Variants in ANKRD30B observed in about 807,000 individuals in gnomAD.
ANKRD30B encodes the protein ankyrin repeat domain 30B.
ANKRD30B carries 144 observed loss-of-function variants against 202.2 expected under a neutral mutation model. That is an observed-to-expected ratio of 0.71 (90% confidence interval 0.62 to 0.82). The LOEUF (loss-of-function observed/expected upper bound fraction) is 0.82, where lower values mean the gene tolerates loss of function less well. Among genes scored for constraint, ANKRD30B ranks in the 40% least tolerant of loss-of-function variants. ANKRD30B has a pLI of 0.00. For synonymous variants in ANKRD30B, 508 were observed against 561.3 expected, an observed-to-expected ratio of 0.91 and a Z score of 1.34; for missense variants, 1,487 against 1,669.1, an observed-to-expected ratio of 0.89 and a Z score of 1.90.
intron 15 of ANKRD30B, among the ~76,000 whole-genome samples, chr18:14,789,751 T>A (rs1258832770): frequency 6.6e-6 from 1 of 152,196 alleles, no homozygotes; most frequent in East Asian, 1.9e-4. Flanking sequence ...TTGATCTATA[T>A]CTCTGTTTTG....
the ANKRD30B span, among the ~76,000 whole-genome samples, chr18:14,923,583 C>T: frequency 3.3e-5 from 5 of 152,040 alleles, no homozygotes; most frequent in Non-Finnish European, 5.9e-5. Context: ...AAGAACTCAC[C>T]ACCCTGAAGG....
intron 5 of ANKRD30B, among the ~76,000 whole-genome samples, chr18:14,759,460 T>G (rs550174216): frequency 6.6e-6 from 1 of 152,362 alleles, no homozygotes; most frequent in South Asian, 2.1e-4. Context: ...TTGTGTGCAA[T>G]ATGTTGTTAG....
the ANKRD30B span, among the ~76,000 whole-genome samples, chr18:14,867,302 G>A: frequency 2.2e-5 from 3 of 134,766 alleles, no homozygotes; most frequent in East Asian, 4.9e-4. Context: ...TGGGGGCTAA[G>A]CTTGTGGGGA....
the ANKRD30B span, among the ~76,000 whole-genome samples, chr18:14,908,301 C>T: frequency 6.6e-6 from 1 of 152,250 alleles, no homozygotes; most frequent in East Asian, 1.9e-4. Context: ...TGAATGCCTC[C>T]GCTGTTTACT....
chr18:14,795,781 T>C (rs529262072), intron 16 of ANKRD30B, among the ~76,000 whole-genome samples: 7 of 152,108 alleles, frequency 4.6e-5, no homozygotes, highest in African/African-American at 9.7e-5. Flanking sequence ...CTACTTGCAG[T>C]ATATTGACAT....
At chr18:14,767,950 T>G (rs1283145179) in intron 7 of ANKRD30B, among the ~76,000 whole-genome samples, 1 of 152,230 alleles carries the variant, frequency 6.6e-6, no homozygotes, top group African/African-American at 2.4e-5. Context: ...AACACTGTTT[T>G]CTGGCGTACA....
the ANKRD30B span, among the ~76,000 whole-genome samples, chr18:14,862,767 T>C: frequency 4.6e-5 from 7 of 152,338 alleles, no homozygotes; most frequent in East Asian, 1.4e-3. Context: ...GCAGCCATGG[T>C]GACTGTACAC....
At chr18:14,865,616 G>GTT in the ANKRD30B span, among the ~76,000 whole-genome samples, 21 of 145,218 alleles carry the variant, frequency 1.4e-4, no homozygotes, top group African/African-American at 5.4e-4. Context: ...TCTACCCCCA[G>GTT]TTTTTTTTTT....
rs1435589658 is a variant in ANKRD30B, at chr18:14,848,816, A to G, written c.3282A>G (p.Glu1094=). The G allele has an allele frequency of 6.3e-7, 1 of 1,582,246 alleles. No homozygotes were observed. The highest frequency in any genetic ancestry group is 1.2e-5 in the South Asian group (1 of 86,434). ...GTGAACAAATTACAGCAAAAATGGA[A>G]CAAACGAAAAATAAGTTTTGTGTAC... is the stretch of plus-strand genomic sequence containing the variant. ...DNCEQITAKM[E]QTKNKFCVLQ... The change falls in exon 40 of 44, where the codon GAA becomes GAG. Residue 1094 remains glutamate, a synonymous_variant. Transcript: ENST00000690538.
intron 24 of ANKRD30B, among the ~76,000 whole-genome samples, chr18:14,805,716 G>T (rs1969468083): frequency 6.6e-6 from 1 of 150,890 alleles, no homozygotes; most frequent in Admixed American, 6.6e-5. Flanking sequence ...GACACATGGT[G>T]TAGCATTCTA....
intron 8 of ANKRD30B, among the ~76,000 whole-genome samples, chr18:14,770,143 A>G (rs1399234493): frequency 6.6e-6 from 1 of 151,522 alleles, no homozygotes; most frequent in East Asian, 1.9e-4. Context: ...TGACTTTTCT[A>G]TAATCCTTTC....
chr18:14,897,389 C>T, the ANKRD30B span, among the ~76,000 whole-genome samples: 1 of 152,096 alleles, frequency 6.6e-6, no homozygotes, highest in African/African-American at 2.4e-5. Flanking sequence ...CCATGTTGGC[C>T]AGGCTGGTCT....
intron 28 of ANKRD30B, among the ~76,000 whole-genome samples, chr18:14,810,622 G>T (rs1299135818): frequency 6.6e-6 from 1 of 150,966 alleles, no homozygotes; most frequent in Admixed American, 6.6e-5. Context: ...TTCTGATTAG[G>T]TGACTGAGTG....
At chr18:14,873,161 A>G in the ANKRD30B span, among the ~76,000 whole-genome samples, 1 of 152,186 alleles carries the variant, frequency 6.6e-6, no homozygotes, top group African/African-American at 2.4e-5. Context: ...GGTAAAGGGA[A>G]GACTTCACTT....
chr18:14,776,883 G>A (rs2143828641), intron 9 of ANKRD30B, among the ~76,000 whole-genome samples: 1 of 152,112 alleles, frequency 6.6e-6, no homozygotes, highest in African/African-American at 2.4e-5. Context: ...ATTATTTTAA[G>A]CCCTTGTTTT....
chr18:14,776,678 A>AAT (rs1418170111), intron 9 of ANKRD30B, among the ~76,000 whole-genome samples: 2 of 152,204 alleles, frequency 1.3e-5, no homozygotes, highest in Admixed American at 1.3e-4. Flanking sequence ...ATGTTTCACG[A>AAT]ACACGTTTTT....
intron 9 of ANKRD30B, among the ~76,000 whole-genome samples, chr18:14,777,096 C>T (rs563789674): frequency 4.6e-5 from 7 of 152,110 alleles, no homozygotes; most frequent in Non-Finnish European, 8.8e-5. Context: ...GAAGTTAATT[C>T]CTTTTGAAAT....
chr18:14,748,892 T>A (rs1310462348), intron 1 of ANKRD30B, among the ~76,000 whole-genome samples: 1 of 152,212 alleles, frequency 6.6e-6, no homozygotes, highest in South Asian at 2.1e-4. Flanking sequence ...TTTAGCTGCT[T>A]TCTCCTTCAC....
chr18:14,757,375 C>A (rs1598567635), intron 4 of ANKRD30B, among the ~76,000 whole-genome samples: 1 of 152,162 alleles, frequency 6.6e-6, no homozygotes, highest in Non-Finnish European at 1.5e-5. Context: ...AATTCAGTGT[C>A]TCATACATTC....
Sources: allele counts gnomAD v4.1 joint callset (sites outside exome capture counted in the v4.1 genomes callset), GRCh38; gene constraint gnomAD v4.1.1; transcripts MANE v1.5; gene names NCBI Gene and HGNC (gene_info 2026-07-23, HGNC 2026-07-21).